Variants in LRRC37A2 observed in about 807,000 individuals in gnomAD.
The protein encoded by LRRC37A2 is leucine-rich repeat-containing protein 37A2.
Under a neutral mutation model 68.8 loss-of-function variants are expected in LRRC37A2, and 9 were observed. The ratio of observed to expected loss-of-function variants is 0.13; its 90% CI spans 0.08 to 0.23. The LOEUF (loss-of-function observed/expected upper bound fraction) is 0.23, where lower values mean the gene tolerates loss of function less well. Ranked by LOEUF, LRRC37A2 falls within the 10% of genes least tolerant of loss-of-function variation. The pLI, the probability that LRRC37A2 is intolerant of heterozygous loss-of-function variation, is 1.00. For synonymous variants in LRRC37A2, 63 were observed against 367.6 expected, an observed-to-expected ratio of 0.17 and a Z score of 9.48; for missense variants, 168 against 950.4, an observed-to-expected ratio of 0.18 and a Z score of 10.82.
At chr17:46,551,270 CTCTG>C (rs1320166004) in intron 11 of LRRC37A2, among the ~76,000 whole-genome samples, 2 of 149,742 alleles carry the variant, frequency 1.3e-5, no homozygotes, top group East Asian at 3.9e-4. Context: ...TGGAGCTTGC[CTCTG>C]TCTTTTGTTC....
At chr17:46,389,255 C>A in the LRRC37A2 span, among the ~76,000 whole-genome samples, 5 of 150,572 alleles carry the variant, frequency 3.3e-5, no homozygotes, top group African/African-American at 4.9e-5. Context: ...AACACAAAAT[C>A]CAGCTATAAT....
the LRRC37A2 span, among the ~76,000 whole-genome samples, chr17:46,655,959 C>A: frequency 1.1e-5 from 1 of 90,992 alleles, no homozygotes; most frequent in Non-Finnish European, 2.0e-5. Context: ...ATTTTAGCAA[C>A]TCATAAAATA....
chr17:46,502,921 T>C, the LRRC37A2 span, among the ~76,000 whole-genome samples: 1 of 150,522 alleles, frequency 6.6e-6, no homozygotes, highest in Non-Finnish European at 1.5e-5. Flanking sequence ...GTTTAAAAAT[T>C]AGTCTTCATT....
chr17:46,816,475 G>GCGCGCA, the LRRC37A2 span, among the ~76,000 whole-genome samples: 1 of 144,244 alleles, frequency 6.9e-6, no homozygotes, highest in East Asian at 2.1e-4. Flanking sequence ...CAGAACACAC[G>GCGCGCA]CACACACACA....
At chr17:47,007,206 C>A in the LRRC37A2 span, among the ~76,000 whole-genome samples, 2 of 152,164 alleles carry the variant, frequency 1.3e-5, no homozygotes, top group Non-Finnish European at 2.9e-5. Flanking sequence ...TCGACAGAGT[C>A]TTGCTCTGTT....
the LRRC37A2 span, among the ~76,000 whole-genome samples, chr17:47,042,977 T>C: frequency 6.7e-6 from 1 of 150,168 alleles, no homozygotes; most frequent in African/African-American, 2.4e-5. Context: ...AACCTCTCTG[T>C]GCCTCAGTTT....
the LRRC37A2 span, among the ~76,000 whole-genome samples, chr17:46,635,812 T>C: frequency 1.4e-5 from 2 of 142,540 alleles, 1 homozygote; most frequent in African/African-American, 5.1e-5. Context: ...TGTGTGTGTG[T>C]GTGTGTGCTC....
chr17:47,021,590 T>C, the LRRC37A2 span: 1 of 525,844 alleles, frequency 1.9e-6, no homozygotes, highest in Non-Finnish European at 3.2e-6. Flanking sequence ...ACATTCAAAG[T>C]AATTAACTGG....
chr17:46,979,129 C>A, the LRRC37A2 span: 2 of 1,082,736 alleles, frequency 1.8e-6, no homozygotes, highest in East Asian at 3.4e-5. Flanking sequence ...GGGGAGGGGA[C>A]GAAGGCGGGA....
chr17:46,743,238 T>G, the LRRC37A2 span, among the ~76,000 whole-genome samples: 1 of 152,138 alleles, frequency 6.6e-6, no homozygotes, highest in African/African-American at 2.4e-5. Context: ...TGTGTTTGTT[T>G]TTGGGAAGAG....
the LRRC37A2 span, among the ~76,000 whole-genome samples, chr17:46,760,907 G>A: frequency 1.3e-5 from 2 of 152,164 alleles, no homozygotes; most frequent in African/African-American, 4.8e-5. Flanking sequence ...TGTGTAAGGT[G>A]CATATGAAAT....
At chr17:47,034,844 G>A in the LRRC37A2 span, among the ~76,000 whole-genome samples, 23 of 152,164 alleles carry the variant, frequency 1.5e-4, no homozygotes, top group African/African-American at 5.3e-4. Context: ...AATCACGAAG[G>A]ATATTTAAAG....
the LRRC37A2 span, among the ~76,000 whole-genome samples, chr17:46,850,529 C>T: frequency 1.3e-5 from 2 of 152,198 alleles, no homozygotes; most frequent in South Asian, 2.1e-4. Flanking sequence ...GTTCCCTATG[C>T]ATGGCTGATT....
the LRRC37A2 span, among the ~76,000 whole-genome samples, chr17:46,493,255 T>G: frequency 1.5e-5 from 2 of 137,284 alleles, no homozygotes; most frequent in Non-Finnish European, 3.1e-5. Flanking sequence ...CCTTCTGGGT[T>G]CAAGCCATCC....
At chr17:46,819,298 G>A in the LRRC37A2 span, among the ~76,000 whole-genome samples, 1 of 152,334 alleles carries the variant, frequency 6.6e-6, no homozygotes, top group South Asian at 2.1e-4. This position sits in a 1 kb window ranked among gnomAD's most constrained non-coding sequence, Gnocchi z 5.3. Context: ...AAAGTCCGCG[G>A]AGGCTCGAAG....
At chr17:46,929,461 T>C in the LRRC37A2 span, 3 of 877,512 alleles carry the variant, frequency 3.4e-6, no homozygotes, top group African/African-American at 3.3e-5. Context: ...TTGTCTTTCC[T>C]GACTGAAGCG....
the LRRC37A2 span, among the ~76,000 whole-genome samples, chr17:46,926,209 C>T: frequency 4.6e-5 from 7 of 151,968 alleles, no homozygotes; most frequent in Non-Finnish European, 8.8e-5. Flanking sequence ...CTTTAATGAG[C>T]GAAATGTAAA....
At chr17:46,941,346 G>GT in the LRRC37A2 span, 1 of 984,196 alleles carries the variant, frequency 1.0e-6, no homozygotes, top group Non-Finnish European at 1.2e-6. Flanking sequence ...TAAAGTTGAG[G>GT]TTTATTTTAT....
the LRRC37A2 span, chr17:46,941,013 C>T: frequency 2.1e-5 from 23 of 1,113,606 alleles, no homozygotes; most frequent in African/African-American, 4.8e-5. Flanking sequence ...CTAGTGGAGG[C>T]GGGGGTGAAT....
Sources: allele counts gnomAD v4.1 joint callset (sites outside exome capture counted in the v4.1 genomes callset), GRCh38; gene constraint gnomAD v4.1.1; non-coding constraint Gnocchi (gnomAD v3.1); transcripts MANE v1.5; gene names NCBI Gene and HGNC (gene_info 2026-07-23, HGNC 2026-07-21).